The following AKAP8 variants were observed in gnomAD, a reference collection of about 807,000 sequenced individuals.
AKAP8 encodes the protein A-kinase anchoring protein 8.
In AKAP8, 24 loss-of-function variants were observed where a neutral mutation model predicts 67.5. The observed-to-expected ratio is 0.36, with a 90% CI of 0.26 to 0.50. AKAP8 has a LOEUF of 0.50. Ranked by LOEUF, AKAP8 falls within the 20% of genes least tolerant of loss-of-function variation. AKAP8 has a pLI of 0.97. For missense variants in AKAP8, 971 were observed against 955.9 expected (o/e 1.02, Z -0.21); for synonymous variants, 400 against 371.1 (o/e 1.08, Z -0.90).
rs1318678720 is a variant in AKAP8 at position 15,374,077 on chromosome 19, G to A, written c.92-12C>T. The A allele has an allele frequency of 1.2e-5, 19 of 1,536,372 alleles. No homozygotes were observed. Among genetic ancestry groups the A allele is most frequent in the Non-Finnish European group, 1.6e-5 (18 of 1,144,196 alleles). ...GTAGTTTTCATAACCTGTCACAGGG[G>A]GAGGAGCCAAGTCAGACTTCAGCAG... On this transcript the variant is annotated splice_polypyrimidine_tract_variant and intron_variant, in intron 3 of 13. Transcript: ENST00000269701.
intron 7 of AKAP8, 31 bp downstream of exon 7, chr19:15,371,921 T>G: frequency 6.2e-7 from 1 of 1,612,314 alleles, no homozygotes; most frequent in Non-Finnish European, 8.5e-7. Flanking sequence ...AATCCCACAC[T>G]AGAGGCAAAA....
In AKAP8 at chr19:15,373,909, T is replaced by C; in HGVS notation, c.248A>G (p.Glu83Gly). The change falls in exon 4 of 14, where the codon GAG becomes GGG. Residue 83 changes from glutamate (E) to glycine (G), a missense_variant. Coordinates refer to ENST00000269701, the MANE Select transcript of AKAP8 (RefSeq NM_005858.4). ...GGAGTCGGAATTGTCGGTGCATGGC[T>C]CTGGGCCGTAAGAGGCCATGTGCAT... Reference protein sequence around the residue: ...PAMHMASYGPEPCTDNSDSLI... With the variant: ...PAMHMASYGPGPCTDNSDSLI... 1 of 1,613,776 alleles carries C rather than the reference T, an allele frequency of 6.2e-7. No homozygotes were observed. Among genetic ancestry groups the C allele is most frequent in the Non-Finnish European group, 8.5e-7 (1 of 1,179,962 alleles).
intron 9 of AKAP8, among the ~76,000 whole-genome samples, chr19:15,363,360 G>GC (rs1037636624): frequency 1.4e-5 from 2 of 143,456 alleles, no homozygotes; most frequent in South Asian, 2.3e-4. Flanking sequence ...AGGTGGGGGG[G>GC]GGTCAGCCCC....
At chr19:15,374,300 T>C (rs1247328666) in intron 3 of AKAP8, among the ~76,000 whole-genome samples, 1 of 152,196 alleles carries the variant, frequency 6.6e-6, no homozygotes, top group East Asian at 1.9e-4. Context: ...CGCTAGGACC[T>C]GTTCCCCATT....
rs553738230 is a variant in AKAP8 at position 15,372,242 on chromosome 19, T to C, written c.967A>G (p.Ser323Gly). 61 of 1,614,214 alleles carry C rather than the reference T, an allele frequency of 3.8e-5. No homozygotes were observed. The South Asian group carries it at 5.9e-4, about 16-fold the overall frequency. The change falls in exon 6 of 14, where the codon AGT (serine) becomes GGT (glycine). Residue 323 changes from serine to glycine, a missense_variant. Ser to Gly is a moderately conservative substitution (Grantham distance 56, BLOSUM62 0). Around this residue, in one of 3 missense-constraint regions of AKAP8, gnomAD observed 763 missense variants for 745.4 expected, o/e 1.02. Coordinates refer to ENST00000269701, the MANE Select transcript of AKAP8 (RefSeq NM_005858.4). Reference sequence around the variant, plus strand: ...CCATTTTCGGAGAAATCTCCTTCACTGTCAACCCGGGCCAGTTTGGTGTCT... The same window carrying C: ...CCATTTTCGGAGAAATCTCCTTCACCGTCAACCCGGGCCAGTTTGGTGTCT... ...EPDTKLARVDSEGDFSENDDA... is the reference protein window; with the variant it reads ...EPDTKLARVDGEGDFSENDDA...
At chr19:15,379,576 C>G in intron 1 of AKAP8, 137 bp downstream of exon 1, 3 of 990,464 alleles carry the variant, frequency 3.0e-6, no homozygotes, top group South Asian at 3.9e-5. Flanking sequence ...CGCGCGCGCC[C>G]TGGCCGCCTC....
In AKAP8 at chr19:15,372,777, G is replaced by A. The variant is rs530354232; in HGVS notation, c.861+74C>T. 5.5e-6 allele frequency: 8 copies of A among 1,447,010 alleles called. No individual in the cohort carries two copies. The African/African-American group carries it at 1.1e-4, about 20-fold the overall frequency. The allele number at this position is 1,447,010 out of a possible 1,614,324, so 89.6% of individuals were successfully genotyped here. ...AAAACATTTAAGTGAATGTTGAGAT[G>A]GGGAAATTTTACCTCAATAAAGCTG... On this transcript the variant is annotated intron_variant, in intron 5 of 13. Transcript: ENST00000269701.
At chr19:15,370,208 A>G in intron 7 of AKAP8, 29 bp from the exon 8 acceptor site, 2 of 1,613,928 alleles carry the variant, frequency 1.2e-6, no homozygotes, top group South Asian at 1.1e-5. Context: ...AAAGTCCGGC[A>G]GTGAGCTGGT....
At chr19:15,370,625 CTTTTTTTTTTTTT>C (rs71176407) in intron 7 of AKAP8, among the ~76,000 whole-genome samples, 2 of 80,968 alleles carry the variant, frequency 2.5e-5, no homozygotes, top group African/African-American at 4.9e-5. Context: ...TACCCAATGT[CTTTTTTTTTTTTT>C]TTTTTTTTTT....
rs749363161 is a variant in AKAP8 at position 15,377,010 on chromosome 19, G to A, written c.24C>T (p.Tyr8=). ...TGGCAGGTCCAGCACTCCACGCCCC[G>A]TAGCCTGCAAGAAGACCCCGTGAGT... is the stretch of plus-strand genomic sequence containing the variant. MDQGYGG[Y]GAWSAGPANT... The change falls in exon 2 of 14, where the codon TAC becomes TAT. Residue 8 remains tyrosine, a synonymous_variant. Coordinates refer to ENST00000269701, the MANE Select transcript of AKAP8 (RefSeq NM_005858.4). The A allele has an allele frequency of 1.6e-5, 26 of 1,612,974 alleles. No individual in the cohort carries two copies. Among genetic ancestry groups the A allele is most frequent in the Non-Finnish European group, 1.9e-5 (23 of 1,179,668 alleles).
At chr19:15,370,530 A>T (rs1416982138) in intron 7 of AKAP8, among the ~76,000 whole-genome samples, 1 of 150,652 alleles carries the variant, frequency 6.6e-6, no homozygotes, top group East Asian at 2.0e-4. Flanking sequence ...CCGTAGGGAG[A>T]TAGAGTCTCA....
Position 15,354,720 on chromosome 19 carries a change from C to T in AKAP8, c.*195G>A. The T allele has an allele frequency of 1.6e-6, 1 of 626,798 alleles. No homozygotes were observed. Among genetic ancestry groups the T allele is most frequent in the East Asian group, 2.8e-5 (1 of 36,316 alleles). The allele number at this position is 626,798 out of a possible 1,614,324, so 38.8% of individuals were successfully genotyped here. ...AGGACAATGTACTTCAGCTTTGAAA[C>T]CTGGGCAAGAAGCCACACGACTGCA... On this transcript the variant is annotated 3_prime_UTR_variant, in exon 14 of 14. Coordinates refer to ENST00000269701, the MANE Select transcript of AKAP8 (RefSeq NM_005858.4).
rs1239018006 is a variant in AKAP8 at position 15,372,030 on chromosome 19, C to G, written c.992-32G>C. ...GACACAAAGAAAGGAAAAGTCAGTCCCCGGAGAACGGTCCCATCCGGTTTC... is the reference window on the plus strand; with the variant it reads ...GACACAAAGAAAGGAAAAGTCAGTCGCCGGAGAACGGTCCCATCCGGTTTC... On this transcript the variant is annotated intron_variant, in intron 6 of 13. Transcript: ENST00000269701. 3 of 1,613,686 alleles carry G rather than the reference C, an allele frequency of 1.9e-6. No homozygotes were observed. In the South Asian group the frequency reaches 3.3e-5, roughly 18 times the overall value.
intron 13 of AKAP8, among the ~76,000 whole-genome samples, chr19:15,355,954 TG>T (rs1267114447): frequency 6.6e-5 from 10 of 152,060 alleles, no homozygotes; most frequent in Non-Finnish European, 1.2e-4. Context: ...CAGACTGGTC[TG>T]GAACTCCAGA....
At position 15,377,030 on chromosome 19, in the gene AKAP8, G is replaced by A. The variant is rs1270128891; in HGVS notation, c.20-16C>T. The A allele has an allele frequency of 3.7e-6, 6 of 1,612,050 alleles. No homozygotes were observed. Among genetic ancestry groups the A allele is most frequent in the Admixed American group, 3.3e-5 (2 of 59,818 alleles). Reference sequence around the variant, plus strand: ...GCCCCGTAGCCTGCAAGAAGACCCCGTGAGTTAAAATTCTATTTGTCACAC... The same window carrying A: ...GCCCCGTAGCCTGCAAGAAGACCCCATGAGTTAAAATTCTATTTGTCACAC... On this transcript the variant is annotated splice_polypyrimidine_tract_variant and intron_variant, in intron 1 of 13. Coordinates refer to ENST00000269701, the MANE Select transcript of AKAP8 (RefSeq NM_005858.4).
intron 9 of AKAP8, 48 bp from the exon 10 acceptor site, chr19:15,362,299 G>A (rs1036534671): frequency 6.2e-7 from 1 of 1,606,122 alleles, no homozygotes. Flanking sequence ...GCATCAGCGA[G>A]TGAAGCAGGG....
rs1279842227 is a variant in AKAP8, at chr19:15,371,951, C to CAAA, written c.1038_1038+1insTTT (p.Gly346_Glu347insPhe). 4 of 1,614,064 alleles carry CAAA rather than the reference C, an allele frequency of 2.5e-6. No homozygotes were observed. In the South Asian group the frequency reaches 4.4e-5, roughly 18 times the overall value. On this transcript the variant is annotated inframe_insertion and splice_region_variant. Coordinates refer to ENST00000269701, the MANE Select transcript of AKAP8 (RefSeq NM_005858.4). ...GCAAAAGGGCTGCCTGGTGGACTTACACCCTTGAATTCTTCATCTCCTGAG... is the reference window on the plus strand; with the variant it reads ...GCAAAAGGGCTGCCTGGTGGACTTACAAAACCCTTGAATTCTTCATCTCCTGAG...
At chr19:15,372,493 A>G in intron 5 of AKAP8, 146 bp from the exon 6 acceptor site, 1 of 1,243,152 alleles carries the variant, frequency 8.0e-7, no homozygotes. Context: ...TTGAAACTAA[A>G]AAGAAAATCA....
At chr19:15,370,081 T>C in intron 8 of AKAP8, 65 bp downstream of exon 8, 2 of 1,599,068 alleles carry the variant, frequency 1.3e-6, no homozygotes, top group Non-Finnish European at 8.6e-7. Flanking sequence ...GCTCAGAAGC[T>C]GGGCAGTAAG....
Sources: allele counts gnomAD v4.1 joint callset (sites outside exome capture counted in the v4.1 genomes callset), GRCh38; gene constraint gnomAD v4.1.1; regional missense constraint gnomAD v4.1.1; transcripts MANE v1.5; gene names NCBI Gene and HGNC (gene_info 2026-07-23, HGNC 2026-07-21).